EHMT1: variants seen among roughly 807,000 people sequenced by gnomAD.
EHMT1 encodes histone-lysine N-methyltransferase EHMT1.
EHMT1 carries 15 observed loss-of-function variants against 147.2 expected under a neutral mutation model. That is an observed-to-expected ratio of 0.10 (90% CI 0.07 to 0.16). The LOEUF (loss-of-function observed/expected upper bound fraction) is 0.16, where lower values mean the gene tolerates loss of function less well. Ranked by LOEUF, EHMT1 falls within the 10% of genes least tolerant of loss-of-function variation. The pLI is 1.00. For missense variants in EHMT1, 1,587 were observed against 1,772.4 expected (o/e 0.90, Z 1.88); for synonymous variants, 795 against 709.6 (o/e 1.12, Z -1.91).
At chr9:137,675,613 G>A (rs1237465338) in intron 1 of EHMT1, among the ~76,000 whole-genome samples, 6 of 141,700 alleles carry the variant, frequency 4.2e-5, no homozygotes, top group Non-Finnish European at 7.5e-5. Context: ...ACAGGTGCCG[G>A]CCACCACGCC....
chr9:137,648,491 CAAAAAA>C (rs397720797), intron 1 of EHMT1, among the ~76,000 whole-genome samples: 1 of 93,796 alleles, frequency 1.1e-5, no homozygotes, highest in Admixed American at 1.1e-4. Flanking sequence ...TCCTTCTCTC[CAAAAAA>C]AAAAAAAAAA....
intron 1 of EHMT1, among the ~76,000 whole-genome samples, chr9:137,668,588 C>T (rs886513016): frequency 1.3e-5 from 2 of 152,150 alleles, no homozygotes; most frequent in Non-Finnish European, 2.9e-5. Context: ...TGAAAAGAAA[C>T]CTTATACCAT....
At chr9:137,715,426 T>G in intron 2 of EHMT1, 1 of 479,170 alleles carries the variant, frequency 2.1e-6, no homozygotes, top group Non-Finnish European at 2.7e-6. Flanking sequence ...AGACAGGGCA[T>G]TTGCGCTCAT....
At chr9:137,642,626 A>G (rs1253730550) in intron 1 of EHMT1, among the ~76,000 whole-genome samples, 2 of 152,186 alleles carry the variant, frequency 1.3e-5, no homozygotes, top group Admixed American at 1.3e-4. Context: ...TTAATACTAT[A>G]TTACAATACT....
chr9:137,711,589 G>A (rs1944728206), intron 2 of EHMT1, among the ~76,000 whole-genome samples: 1 of 152,202 alleles, frequency 6.6e-6, no homozygotes, highest in African/African-American at 2.4e-5. Flanking sequence ...GGAGGTGGAG[G>A]GAGTGGTGTG....
chr9:137,678,137 A>G (rs1223052695), intron 1 of EHMT1, among the ~76,000 whole-genome samples: 1 of 152,192 alleles, frequency 6.6e-6, no homozygotes, highest in Non-Finnish European at 1.5e-5. Context: ...TAGATTAAAA[A>G]CTAGTATATA....
In EHMT1 at chr9:137,716,977, C is replaced by T. The variant is rs142652443; in HGVS notation, c.437C>T (p.Ser146Leu). The change falls in exon 3 of 27, where the codon TCG becomes TTG. Residue 146 changes from serine to leucine, a missense_variant. Ser to Leu is a moderately radical substitution (Grantham distance 145). Around this residue, in one of 7 missense-constraint regions of EHMT1, gnomAD observed 810 missense variants for 673.0 expected, o/e 1.20. Coordinates refer to ENST00000460843, the MANE Select transcript of EHMT1 (RefSeq NM_024757.5). Reference protein sequence around the residue: ...PLRTTSTLASSLPGHAAKTLP... With the variant: ...PLRTTSTLASLLPGHAAKTLP... ...AGGACTACCAGCACTCTGGCCTCTTCGCTGCCTGGCCATGCTGCAAAAACC... is the reference window on the plus strand; with the variant it reads ...AGGACTACCAGCACTCTGGCCTCTTTGCTGCCTGGCCATGCTGCAAAAACC... 87 of 1,610,290 alleles carry T rather than the reference C, an allele frequency of 5.4e-5. No individual in the cohort carries two copies. The highest frequency in any genetic ancestry group is 3.5e-4 in the African/African-American group (26 of 74,812).
rs1282874030 is a variant in EHMT1 at position 137,816,051 on chromosome 9, G to A, written c.3363G>A (p.Gln1121=). ...CWRNCRNRVV[Q]NGLRARLQLY... ...GGAACTGCCGAAATCGCGTCGTACA[G>A]AATGGTCTCAGGTGAGAGGCAGCTT... is the stretch of plus-strand genomic sequence containing the variant. The change falls in exon 23 of 27, where the codon CAG becomes CAA. Residue 1121 remains glutamine, a synonymous_variant. Coordinates refer to ENST00000460843, the MANE Select transcript of EHMT1 (RefSeq NM_024757.5). The A allele has an allele frequency of 1.9e-6, 3 of 1,611,786 alleles. No individual in the cohort carries two copies. The African/African-American group carries it at 4.0e-5, about 22-fold the overall frequency.
At position 137,835,020 on chromosome 9, in the gene EHMT1, G is replaced by A; in HGVS notation, c.*67G>A. 1 of 1,350,910 alleles carries A rather than the reference G, an allele frequency of 7.4e-7. No homozygotes were observed. The highest frequency in any genetic ancestry group is 9.5e-7 in the Non-Finnish European group (1 of 1,056,916). The allele number at this position is 1,350,910 out of a possible 1,614,324, so 83.7% of individuals were successfully genotyped here. A position where few individuals can be genotyped will look rare whatever the true frequency, so the allele number is the denominator to read the frequency against. ...CGCGTCGCCGATTAGAGGACGAGGA[G>A]GAGAGATTCCGCACGCAACCGAAAG... On this transcript the variant is annotated 3_prime_UTR_variant, in exon 27 of 27. Transcript: ENST00000460843.
chr9:137,743,229 G>C, intron 4 of EHMT1, 142 bp from the exon 5 acceptor site: 1 of 957,322 alleles, frequency 1.0e-6, no homozygotes, highest in Non-Finnish European at 1.5e-6. Context: ...CTGATGACCT[G>C]CGGGCAGTGG....
chr9:137,692,351 G>A (rs866713001), intron 1 of EHMT1, among the ~76,000 whole-genome samples: 4 of 146,834 alleles, frequency 2.7e-5, no homozygotes, highest in Admixed American at 7.1e-5. Flanking sequence ...TGCAACCTCC[G>A]CCTCCTGGGT....
intron 1 of EHMT1, among the ~76,000 whole-genome samples, chr9:137,709,698 G>T (rs1944533525): frequency 6.6e-6 from 1 of 152,070 alleles, no homozygotes; most frequent in Non-Finnish European, 1.5e-5. Context: ...AATTAAAGAT[G>T]GAATCAGTGC....
At chr9:137,780,700 A>G (rs1198364699) in intron 14 of EHMT1, among the ~76,000 whole-genome samples, 4 of 78,558 alleles carry the variant, frequency 5.1e-5, no homozygotes, top group Admixed American at 1.4e-4. Context: ...GATGACGCCG[A>G]GACGTGTGGT....
At chr9:137,641,820 A>C (rs1480437113) in intron 1 of EHMT1, among the ~76,000 whole-genome samples, 2 of 151,760 alleles carry the variant, frequency 1.3e-5, no homozygotes, top group Non-Finnish European at 2.9e-5. Context: ...TCATAGGACT[A>C]AGATCACATT....
intron 6 of EHMT1, among the ~76,000 whole-genome samples, chr9:137,744,685 C>T (rs1036189426): frequency 9.8e-5 from 15 of 152,368 alleles, no homozygotes; most frequent in African/African-American, 3.4e-4. Flanking sequence ...TGCTGATTGG[C>T]GGCTTGCTGT....
At position 137,776,162 on chromosome 9, in the gene EHMT1, C is replaced by A. The variant is rs865992932; in HGVS notation, c.1792-456C>A. On this transcript the variant is annotated intron_variant, in intron 11 of 26. Coordinates refer to ENST00000460843, the MANE Select transcript of EHMT1 (RefSeq NM_024757.5). The surrounding 1 kb of genome is among the most constrained non-coding windows in gnomAD (Gnocchi z 4.4). Reference sequence around the variant, plus strand: ...TTTCTGCAAGAAAATGCTGTTCTTACGGCTGTGTGCCCCTCCTCGAGGCTC... The same window carrying A: ...TTTCTGCAAGAAAATGCTGTTCTTAAGGCTGTGTGCCCCTCCTCGAGGCTC... Among the ~76,000 whole-genome samples the A allele has an allele frequency of 6.6e-6, 1 of 152,200 alleles. No individual in the cohort carries two copies. Among genetic ancestry groups the A allele is most frequent in the Non-Finnish European group, 1.5e-5 (1 of 68,046 alleles).
At chr9:137,661,396 G>A (rs1939060587) in intron 1 of EHMT1, among the ~76,000 whole-genome samples, 1 of 151,646 alleles carries the variant, frequency 6.6e-6, no homozygotes, top group Non-Finnish European at 1.5e-5. Flanking sequence ...TTTTTTATTG[G>A]AGTAAGGAAA....
chr9:137,814,920 T>C (rs1297545446), intron 22 of EHMT1: 2 of 333,414 alleles, frequency 6.0e-6, no homozygotes, highest in East Asian at 7.3e-5. Context: ...GCGCTGGGCT[T>C]GAGGAGACAC....
intron 18 of EHMT1, among the ~76,000 whole-genome samples, chr9:137,808,661 A>G (rs1954153349): frequency 1.1e-5 from 1 of 94,470 alleles, no homozygotes; most frequent in African/African-American, 5.4e-5. Flanking sequence ...CAAAAATGTA[A>G]TTCTGGGCGG....
Sources: gnomAD v4.1 joint callset for allele counts (sites outside exome capture counted in the v4.1 genomes callset) on GRCh38, gnomAD v4.1.1 for gene constraint, gnomAD v4.1.1 regional missense constraint, Gnocchi (gnomAD v3.1) non-coding constraint, MANE v1.5 for transcripts, NCBI Gene and HGNC (gene_info 2026-07-23, HGNC 2026-07-21) for gene names.